SH3BGRL2: variants seen among roughly 807,000 people sequenced by gnomAD.
SH3BGRL2 encodes the protein SH3 domain-binding glutamic acid-rich-like protein 2.
In SH3BGRL2, 21 loss-of-function variants were observed where a neutral mutation model predicts 14.8. The ratio of observed to expected loss-of-function variants is 1.42; its 90% CI spans 1.01 to 2.05. SH3BGRL2 has a LOEUF of 2.05. SH3BGRL2 is among the 30% of genes most tolerant of loss of function. The probability of loss-of-function intolerance (pLI) is 0.00; values close to 1 mark genes in which losing one functional copy is unlikely to be tolerated. For missense variants in SH3BGRL2, 147 were observed against 130.8 expected, an observed-to-expected ratio of 1.12 and a Z score of -0.61; for synonymous variants, 50 against 47.8, an observed-to-expected ratio of 1.05 and a Z score of -0.19.
At chr6:79,684,104 TA>T (rs1460411516) in intron 2 of SH3BGRL2, among the ~76,000 whole-genome samples, 2 of 152,204 alleles carry the variant, frequency 1.3e-5, no homozygotes, top group Non-Finnish European at 2.9e-5. Context: ...GGATGCTATT[TA>T]TTTAGGGCTA....
the SH3BGRL2 span, among the ~76,000 whole-genome samples, chr6:79,602,422 GGGC>G: frequency 1.3e-5 from 2 of 152,208 alleles, no homozygotes; most frequent in Admixed American, 6.5e-5. Context: ...AGGGAGAACA[GGGC>G]CTGGAAGTAT....
At chr6:79,614,557 T>C in the SH3BGRL2 span, among the ~76,000 whole-genome samples, 1 of 152,144 alleles carries the variant, frequency 6.6e-6, no homozygotes, top group African/African-American at 2.4e-5. Context: ...CCTTGGGCCT[T>C]GAGTACACAG....
the SH3BGRL2 span, among the ~76,000 whole-genome samples, chr6:79,570,484 G>A: frequency 4.6e-5 from 7 of 152,290 alleles, no homozygotes; most frequent in South Asian, 1.5e-3. Flanking sequence ...AAAAGGTAAA[G>A]AAGACAACCA....
In SH3BGRL2 at chr6:79,669,246, A is replaced by G. The variant is rs555819539; in HGVS notation, c.46-4368A>G. Among the ~76,000 whole-genome samples the G allele has an allele frequency of 1.6e-3, 245 of 152,254 alleles. 1 individual carries two copies. The highest frequency in any genetic ancestry group is 5.6e-3 in the African/African-American group (233 of 41,544). On this transcript the variant is annotated intron_variant, in intron 1 of 3. Transcript: ENST00000369838. Reference sequence around the variant, plus strand: ...TAAAATTTTAATAAATTTAGGCAATAAAACTTCAGCAAGGTTGTTAGAGAG... The same window carrying G: ...TAAAATTTTAATAAATTTAGGCAATGAAACTTCAGCAAGGTTGTTAGAGAG...
chr6:79,621,554 G>A, the SH3BGRL2 span, among the ~76,000 whole-genome samples: 1 of 152,136 alleles, frequency 6.6e-6, no homozygotes, highest in African/African-American at 2.4e-5. Context: ...CCAGCTTATG[G>A]TATTTCGTTA....
Position 79,660,327 on chromosome 6 carries a change from T to C in SH3BGRL2, c.46-13287T>C, listed in dbSNP as rs1404302698. On this transcript the variant is annotated intron_variant, in intron 1 of 3. Coordinates refer to ENST00000369838, the MANE Select transcript of SH3BGRL2 (RefSeq NM_031469.4). ...GAGATACATTCCATCAATACCTAGT[T>C]TGTTGAGAGTTTTAAGTGTGAAGGG... Among the ~76,000 whole-genome samples, 6 of 152,276 alleles carry C rather than the reference T, an allele frequency of 3.9e-5. No homozygotes were observed. The East Asian group carries it at 7.7e-4, about 20-fold the overall frequency.
chr6:79,560,867 C>CTTTTTTT, the SH3BGRL2 span, among the ~76,000 whole-genome samples: 62 of 45,784 alleles, frequency 1.4e-3, 2 homozygotes, highest in Non-Finnish European at 1.8e-3. Context: ...ACAATACACT[C>CTTTTTTT]TTTTTTTTTT....
At chr6:79,552,768 T>C in the SH3BGRL2 span, 3 of 152,188 alleles carry the variant, frequency 2.0e-5, no homozygotes, top group Non-Finnish European at 4.4e-5. Flanking sequence ...TTAAAAAGCA[T>C]TGGTTTAGGA....
intron 1 of SH3BGRL2, among the ~76,000 whole-genome samples, chr6:79,636,912 C>G (rs1458701542): frequency 2.0e-5 from 3 of 152,156 alleles, no homozygotes; most frequent in African/African-American, 7.2e-5. Context: ...TGCAAACATC[C>G]TATTTCCAAA....
chr6:79,542,398 T>C, the SH3BGRL2 span, among the ~76,000 whole-genome samples: 1 of 151,924 alleles, frequency 6.6e-6, no homozygotes, highest in Non-Finnish European at 1.5e-5. Context: ...GCCTCCTAGA[T>C]AGTTGGGATT....
chr6:79,694,789 C>G (rs1039470425), intron 2 of SH3BGRL2, among the ~76,000 whole-genome samples: 3 of 152,102 alleles, frequency 2.0e-5, no homozygotes, highest in Non-Finnish European at 2.9e-5. Context: ...ACTTCTACCC[C>G]CAAAATGTAT....
At chr6:79,580,627 G>A in the SH3BGRL2 span, among the ~76,000 whole-genome samples, 2 of 152,242 alleles carry the variant, frequency 1.3e-5, no homozygotes, top group South Asian at 4.1e-4. Context: ...AGAATCTCTG[G>A]GACACAGTCA....
At chr6:79,613,201 G>A in the SH3BGRL2 span, among the ~76,000 whole-genome samples, 134 of 152,294 alleles carry the variant, frequency 8.8e-4, no homozygotes, top group Non-Finnish European at 1.4e-3. Context: ...AATCAGAAAT[G>A]AAAAGAATCT....
At chr6:79,588,661 CAT>C in the SH3BGRL2 span, among the ~76,000 whole-genome samples, 5 of 152,164 alleles carry the variant, frequency 3.3e-5, no homozygotes, top group African/African-American at 9.7e-5. Context: ...AAGTATCAAT[CAT>C]ATGTCATTAT....
chr6:79,695,427 A>T (rs1770311178), intron 2 of SH3BGRL2, among the ~76,000 whole-genome samples: 1 of 152,228 alleles, frequency 6.6e-6, no homozygotes, highest in Non-Finnish European at 1.5e-5. Context: ...GCAGGAAGCG[A>T]ATCTCTACAA....
chr6:79,665,566 T>C (rs376043505), intron 1 of SH3BGRL2, among the ~76,000 whole-genome samples: 1 of 152,120 alleles, frequency 6.6e-6, no homozygotes, highest in African/African-American at 2.4e-5. Context: ...AAGAAACCAA[T>C]GCAAATTGAT....
In SH3BGRL2 at chr6:79,691,860, G is replaced by T. The variant is rs1291637634; in HGVS notation, c.232-4625G>T. Among the ~76,000 whole-genome samples the T allele has an allele frequency of 7.3e-5, 11 of 151,592 alleles. 1 individual carries two copies. Among genetic ancestry groups the T allele is most frequent in the South Asian group, 4.2e-4 (2 of 4,754 alleles). ...TAGCAGCATGATTTATAATCCTTTG[G>T]GTATATACCCAGTAATGGGATGGCT... On this transcript the variant is annotated intron_variant, in intron 2 of 3. Transcript: ENST00000369838.
the SH3BGRL2 span, among the ~76,000 whole-genome samples, chr6:79,601,736 T>C: frequency 6.6e-6 from 1 of 152,208 alleles, no homozygotes; most frequent in African/African-American, 2.4e-5. Context: ...TCACCATTCA[T>C]GTCCGTATTT....
At chr6:79,602,449 C>G in the SH3BGRL2 span, among the ~76,000 whole-genome samples, 1 of 152,096 alleles carries the variant, frequency 6.6e-6, no homozygotes, top group Non-Finnish European at 1.5e-5. Context: ...TACGAAAGAT[C>G]TGATTTTCAA....
Sources: gnomAD v4.1 joint callset for allele counts (sites outside exome capture counted in the v4.1 genomes callset) on GRCh38, gnomAD v4.1.1 for gene constraint, MANE v1.5 for transcripts, NCBI Gene and HGNC (gene_info 2026-07-23, HGNC 2026-07-21) for gene names.